The following CAPN8 variants were observed in gnomAD, a reference collection of about 807,000 sequenced individuals.
CAPN8 encodes calpain-8.
CAPN8 carries 87 observed loss-of-function variants against 80.9 expected under a neutral mutation model. The observed-to-expected ratio is 1.07, with a 90% confidence interval of 0.90 to 1.28. The LOEUF (loss-of-function observed/expected upper bound fraction) is 1.28, where lower values mean the gene tolerates loss of function less well. Among genes scored for constraint, CAPN8 ranks in the 50% most tolerant of loss-of-function variants. CAPN8 has a pLI of 0.00. For missense variants in CAPN8, 757 were observed against 702.0 expected, an observed-to-expected ratio of 1.08 and a Z score of -0.89; for synonymous variants, 299 against 273.8, an observed-to-expected ratio of 1.09 and a Z score of -0.91.
At chr1:223,641,359 C>CTT (rs72015720) in intron 2 of CAPN8, among the ~76,000 whole-genome samples, 51,646 of 147,296 alleles carry the variant, frequency 0.35, 10,476 homozygotes, top group Non-Finnish European at 0.47. Context: ...CTGATCAAGC[C>CTT]TTTTTTTAAA....
At chr1:223,547,249 T>C (rs1656648435) in intron 16 of CAPN8, among the ~76,000 whole-genome samples, 1 of 152,144 alleles carries the variant, frequency 6.6e-6, no homozygotes, top group Non-Finnish European at 1.5e-5. Context: ...TTGTAGGACA[T>C]GTGAAAGACT....
At chr1:223,658,372 G>A (rs991029559) in intron 1 of CAPN8, among the ~76,000 whole-genome samples, 5 of 152,124 alleles carry the variant, frequency 3.3e-5, no homozygotes, top group African/African-American at 9.7e-5. Flanking sequence ...TGGTTTGTAG[G>A]TAGATGGAAT....
At chr1:223,649,033 A>G (rs2102731750) in intron 2 of CAPN8, among the ~76,000 whole-genome samples, 1 of 152,326 alleles carries the variant, frequency 6.6e-6, no homozygotes, top group Non-Finnish European at 1.5e-5. Flanking sequence ...GTTATTCAAA[A>G]AGCACTCTAA....
At chr1:223,554,027 T>A in intron 13 of CAPN8, 127 bp from the exon 14 acceptor site, 1 of 394,776 alleles carries the variant, frequency 2.5e-6, no homozygotes, top group Admixed American at 4.4e-5. Flanking sequence ...GGCTTTGGGC[T>A]AAGTGGGGGC....
intron 2 of CAPN8, among the ~76,000 whole-genome samples, chr1:223,649,299 A>C (rs1658276017): frequency 1.3e-5 from 2 of 152,250 alleles, no homozygotes; most frequent in Admixed American, 6.5e-5. Flanking sequence ...CACTCAGGTA[A>C]GAACTGGATG....
At chr1:223,618,288 AG>A in intron 9 of CAPN8, 1 of 1,550,566 alleles carries the variant, frequency 6.4e-7, no homozygotes, top group Non-Finnish European at 8.7e-7. Context: ...GAGCCTACAC[AG>A]GGACACATTA....
rs11585533 is a variant in CAPN8, at chr1:223,654,211, C to T, written c.307+119G>A. Reference sequence around the variant, plus strand: ...GCAGTCTCAGAAACACAAACCCAGACGGACACATCAGGTACCTAATTCACT... The same window carrying T: ...GCAGTCTCAGAAACACAAACCCAGATGGACACATCAGGTACCTAATTCACT... On this transcript the variant is annotated intron_variant, in intron 2 of 20. Transcript: ENST00000366872. 3.9e-4 allele frequency: 321 copies of T among 812,662 alleles called. 1 individual carries two copies. The African/African-American group carries it at 5.0e-3, about 13-fold the overall frequency. 50.3% of individuals were successfully genotyped at this position (812,662 alleles called of 1,614,324 possible). A position where few individuals can be genotyped will look rare whatever the true frequency, so the allele number is the denominator to read the frequency against.
chr1:223,549,590 A>G (rs1299050751), intron 15 of CAPN8: 1 of 755,394 alleles, frequency 1.3e-6, no homozygotes, highest in Non-Finnish European at 2.3e-6. Flanking sequence ...GACAAGCACC[A>G]GCATCCAAGT....
Position 223,622,453 on chromosome 1 carries a change from A to C in CAPN8, c.899+362T>G, listed in dbSNP as rs75296449. On this transcript the variant is annotated intron_variant, in intron 7 of 20. Transcript: ENST00000366872. ...GGTGCTGAGGGGTTTGGCCTTTGTCAGTGTCCAGTGTTTGTGGAGTGGAAA... is the reference window on the plus strand; with the variant it reads ...GGTGCTGAGGGGTTTGGCCTTTGTCCGTGTCCAGTGTTTGTGGAGTGGAAA... 9.4e-3 allele frequency among the ~76,000 whole-genome samples: 1,437 copies of C among 152,218 alleles called. 98 individuals carry two copies. In the East Asian group the frequency reaches 0.15, roughly 16 times the overall value.
intron 19 of CAPN8, among the ~76,000 whole-genome samples, chr1:223,543,373 C>T (rs534426772): frequency 4.6e-5 from 7 of 152,222 alleles, no homozygotes; most frequent in African/African-American, 1.7e-4. Context: ...TCAGATGCCC[C>T]CCTGCCGAAA....
chr1:223,626,659 C>CA (rs1657587723), intron 5 of CAPN8, among the ~76,000 whole-genome samples: 1 of 152,108 alleles, frequency 6.6e-6, no homozygotes, highest in Non-Finnish European at 1.5e-5. Context: ...GATTATTTAG[C>CA]AAAAAGGAGG....
rs865904207 is a variant in CAPN8 at position 223,625,830 on chromosome 1, G to C, written c.788C>G (p.Ala263Gly). 6.4e-7 allele frequency: 1 copy of C among 1,551,354 alleles called. No individual in the cohort carries two copies. Reference protein sequence around the residue: ...ITSQKLVKSHAYSVTGVEEVN... With the variant: ...ITSQKLVKSHGYSVTGVEEVN... ...CTCTTCGACTCCAGTGACAGAGTAC[G>C]CATGACTCTTAACCAGCTTCTGGCT... Residue 263 changes from alanine to glycine, a missense_variant, in exon 6 of 21, where the codon GCG becomes GGG. Physicochemically the swap from Ala to Gly is moderately conservative, Grantham distance 60. Coordinates refer to ENST00000366872, the MANE Select transcript of CAPN8 (RefSeq NM_001143962.2).
chr1:223,551,074 C>T (rs1656774826), intron 14 of CAPN8, 57 bp from the exon 15 acceptor site: 2 of 710,714 alleles, frequency 2.8e-6, no homozygotes, highest in African/African-American at 1.8e-5. Context: ...TGTTTCAAGA[C>T]AGTAAATTAA....
At chr1:223,639,548 C>A (rs567888963) in intron 2 of CAPN8, among the ~76,000 whole-genome samples, 1 of 152,380 alleles carries the variant, frequency 6.6e-6, no homozygotes, top group South Asian at 2.1e-4. Flanking sequence ...TCAGAAACCA[C>A]AAACTAACCT....
At chr1:223,660,933 G>A (rs1028389934) in intron 1 of CAPN8, among the ~76,000 whole-genome samples, 12 of 152,256 alleles carry the variant, frequency 7.9e-5, no homozygotes, top group African/African-American at 2.4e-4. Flanking sequence ...TTGGGAGGCC[G>A]AGGCAGGTGG....
At chr1:223,623,463 C>T (rs187945784) in intron 6 of CAPN8, among the ~76,000 whole-genome samples, 1 of 152,164 alleles carries the variant, frequency 6.6e-6, no homozygotes, top group Admixed American at 6.5e-5. Flanking sequence ...GGAACTCAGG[C>T]AGTCCGTCTC....
rs546816384 is a variant in CAPN8 at position 223,631,140 on chromosome 1, T to C, written c.308-2360A>G. On this transcript the variant is annotated intron_variant, in intron 2 of 20. Transcript: ENST00000366872. ...TGTACAAAACATACCCTGGTCGTTT[T>C]CATTGATGTGATTTTTCTTGTTTGT... Among the ~76,000 whole-genome samples the C allele has an allele frequency of 3.3e-5, 5 of 152,330 alleles. No individual in the cohort carries two copies. The East Asian group carries it at 9.7e-4, about 29-fold the overall frequency.
At chr1:223,622,580 C>T (rs1274832012) in intron 7 of CAPN8, 3 of 548,136 alleles carry the variant, frequency 5.5e-6, no homozygotes, top group East Asian at 6.0e-5. Context: ...CACAGAGCCG[C>T]CAAACTTTCA....
intron 2 of CAPN8, among the ~76,000 whole-genome samples, chr1:223,630,368 G>A (rs1657740107): frequency 6.6e-6 from 1 of 151,850 alleles, no homozygotes; most frequent in Admixed American, 6.6e-5. Context: ...ACAGGGTCTT[G>A]CTCTGTTGCC....
Sources: allele counts gnomAD v4.1 joint callset (sites outside exome capture counted in the v4.1 genomes callset), GRCh38; gene constraint gnomAD v4.1.1; transcripts MANE v1.5; gene names NCBI Gene and HGNC (gene_info 2026-07-23, HGNC 2026-07-21).